KDM2B: variants seen among roughly 807,000 people sequenced by gnomAD.
KDM2B encodes lysine demethylase 2B, also known as lysine-specific demethylase 2B.
Under a neutral mutation model 150.0 loss-of-function variants are expected in KDM2B, and 26 were observed. The observed-to-expected ratio is 0.17, with a 90% confidence interval of 0.13 to 0.24. The LOEUF (loss-of-function observed/expected upper bound fraction) is 0.24. Ranked by LOEUF, KDM2B falls within the 10% of genes least tolerant of loss-of-function variation. The pLI is 1.00. For synonymous variants in KDM2B, 734 were observed against 729.5 expected, an observed-to-expected ratio of 1.01 and a Z score of -0.10; for missense variants, 1,265 against 1,816.9, an observed-to-expected ratio of 0.70 and a Z score of 5.52.
chr12:121,561,480 C>T (rs1555313822), intron 4 of KDM2B, among the ~76,000 whole-genome samples: 1 of 152,104 alleles, frequency 6.6e-6, no homozygotes, highest in Non-Finnish European at 1.5e-5. Flanking sequence ...GTGATACGCC[C>T]GCCTCAGCCT....
intron 22 of KDM2B, among the ~76,000 whole-genome samples, chr12:121,436,684 C>T (rs1874047815): frequency 6.6e-6 from 1 of 151,968 alleles, no homozygotes; most frequent in Admixed American, 6.6e-5. Flanking sequence ...AGTTTTTCTA[C>T]AAGTGAAGAA....
chr12:121,552,439 G>A (rs781809035), intron 4 of KDM2B, among the ~76,000 whole-genome samples: 9 of 152,120 alleles, frequency 5.9e-5, no homozygotes, highest in African/African-American at 9.7e-5. Context: ...TTTGGAGGCC[G>A]AGATGGGTGG....
chr12:121,562,647 TGGA>T (rs782152495), intron 4 of KDM2B, among the ~76,000 whole-genome samples: 13 of 133,456 alleles, frequency 9.7e-5, no homozygotes, highest in African/African-American at 3.5e-4. Flanking sequence ...GAAGAAAGCA[TGGA>T]GGAGGAGGAG....
intron 12 of KDM2B, among the ~76,000 whole-genome samples, chr12:121,487,793 C>CT (rs1248100789): frequency 0.032 from 4,295 of 135,738 alleles, 183 homozygotes; most frequent in African/African-American, 0.084. Context: ...GAAGCAGCTT[C>CT]TTTTTTTTTT....
chr12:121,447,000 A>G (rs1228364009), intron 13 of KDM2B, among the ~76,000 whole-genome samples: 4 of 152,346 alleles, frequency 2.6e-5, no homozygotes, highest in Admixed American at 6.5e-5. Flanking sequence ...ATGATTTTCA[A>G]TGTAACAGTG....
At chr12:121,555,731 C>T (rs1438199465) in intron 4 of KDM2B, among the ~76,000 whole-genome samples, 1 of 152,042 alleles carries the variant, frequency 6.6e-6, no homozygotes, top group Admixed American at 6.6e-5. Context: ...TTTTTCCCCC[C>T]CAAATCTCAA....
chr12:121,454,738 A>G (rs1297783067), intron 12 of KDM2B, among the ~76,000 whole-genome samples: 1 of 152,054 alleles, frequency 6.6e-6, no homozygotes, highest in Non-Finnish European at 1.5e-5. Context: ...CTAACTGAAC[A>G]CCCTTTGGTC....
rs895105695 is a variant in KDM2B, at chr12:121,522,803, G to A, written c.932-1703C>T. On this transcript the variant is annotated intron_variant, in intron 8 of 22. Transcript: ENST00000377071. ...GTGGAGGTTGCAGTGAGCCAAGATC[G>A]CACCACTGCACTCCAGCCTGGGAGA... is the stretch of plus-strand genomic sequence containing the variant. Among the ~76,000 whole-genome samples the A allele has an allele frequency of 5.3e-4, 81 of 152,192 alleles. 1 individual carries two copies. Among genetic ancestry groups the A allele is most frequent in the Non-Finnish European group, 9.6e-4 (65 of 68,010 alleles).
chr12:121,511,887 GCC>G (rs1885622223), intron 10 of KDM2B, among the ~76,000 whole-genome samples: 1 of 152,176 alleles, frequency 6.6e-6, no homozygotes, highest in Non-Finnish European at 1.5e-5. Context: ...CCCTCACGTT[GCC>G]CCTTCTCATT....
intron 12 of KDM2B, among the ~76,000 whole-genome samples, chr12:121,454,317 T>C (rs147740611): frequency 4.9e-4 from 75 of 152,328 alleles, no homozygotes; most frequent in African/African-American, 1.8e-3. Flanking sequence ...TAGTAACCTT[T>C]AGGTCCCTGA....
In KDM2B at chr12:121,430,280, T is replaced by A; in HGVS notation, c.*8A>T. The A allele has an allele frequency of 6.2e-7, 1 of 1,614,190 alleles. No individual in the cohort carries two copies. Among genetic ancestry groups the A allele is most frequent in the Non-Finnish European group, 8.5e-7 (1 of 1,180,026 alleles). On this transcript the variant is annotated 3_prime_UTR_variant, in exon 23 of 23. Coordinates refer to ENST00000377071, the MANE Select transcript of KDM2B (RefSeq NM_032590.5). The surrounding 1 kb of genome is among the most constrained non-coding windows in gnomAD (Gnocchi z 4.4). ...AGCCCGCCCCGTATTTACATACTTA[T>A]CCTTGGACTAACTCAGTTTTTGCAG...
rs1880412095 is a variant in KDM2B at position 121,468,841 on chromosome 12, T to C, written c.1735-15497A>G. 2 of 152,198 alleles carry C rather than the reference T, an allele frequency of 1.3e-5. No homozygotes were observed. Among genetic ancestry groups the C allele is most frequent in the East Asian group, 1.9e-4 (1 of 5,194 alleles). 9.4% of individuals were successfully genotyped at this position (152,198 alleles called of 1,614,324 possible). A position where few individuals can be genotyped will look rare whatever the true frequency, so the allele number is the denominator to read the frequency against. On this transcript the variant is annotated intron_variant, in intron 12 of 22. Coordinates refer to ENST00000377071, the MANE Select transcript of KDM2B (RefSeq NM_032590.5). This position sits in a 1 kb window ranked among gnomAD's most constrained non-coding sequence, Gnocchi z 4.0. Reference sequence around the variant, plus strand: ...AAGTCTGAAATTTACACACCCACTATAGAAAAAATCCCAGTCGACTTGCTC... The same window carrying C: ...AAGTCTGAAATTTACACACCCACTACAGAAAAAATCCCAGTCGACTTGCTC...
rs201375532 is a variant in KDM2B at position 121,495,164 on chromosome 12, AT to A, written c.1648-500del. Among the ~76,000 whole-genome samples, 1,246 of 140,518 alleles carry A rather than the reference AT, an allele frequency of 8.9e-3. 4 individuals carry two copies. The highest frequency in any genetic ancestry group is 0.019 in the Middle Eastern group (5 of 270). 92.2% of individuals were successfully genotyped at this position (140,518 alleles called of 152,430 possible). ...GGTGCATGGCACCCTCCCTGGCTAA[AT>A]TTTTTTTTTTTTTTTAGACAAAGTC... On this transcript the variant is annotated intron_variant, in intron 11 of 22. Transcript: ENST00000377071.
intron 4 of KDM2B, among the ~76,000 whole-genome samples, chr12:121,568,369 A>G (rs1890856115): frequency 6.6e-6 from 1 of 152,112 alleles, no homozygotes; most frequent in South Asian, 2.1e-4. Context: ...CTGAGGCAGG[A>G]GAAACGCTTG....
At chr12:121,441,975 G>A (rs2138059811) in intron 19 of KDM2B, among the ~76,000 whole-genome samples, 182 bp downstream of exon 19, 1 of 152,330 alleles carries the variant, frequency 6.6e-6, no homozygotes, top group East Asian at 1.9e-4. Flanking sequence ...CGGAATAAAC[G>A]GGGTCACCTC....
At position 121,563,908 on chromosome 12, in the gene KDM2B, T is replaced by A. The variant is rs868906655; in HGVS notation, c.397+10639A>T. ...TGAGACTCTGTCTCAAAAAAAAAATTAAAAAAAAAGACAAACCTAGGCAAC... is the reference window on the plus strand; with the variant it reads ...TGAGACTCTGTCTCAAAAAAAAAATAAAAAAAAAAGACAAACCTAGGCAAC... On this transcript the variant is annotated intron_variant, in intron 4 of 22. Coordinates refer to ENST00000377071, the MANE Select transcript of KDM2B (RefSeq NM_032590.5). 7.2e-3 allele frequency among the ~76,000 whole-genome samples: 1,070 copies of A among 148,796 alleles called. 6 individuals are homozygous for A. The highest frequency in any genetic ancestry group is 0.013 in the Admixed American group (197 of 14,952).
intron 22 of KDM2B, among the ~76,000 whole-genome samples, chr12:121,439,352 G>A (rs1158912237): frequency 1.3e-5 from 2 of 151,512 alleles, no homozygotes; most frequent in Admixed American, 1.3e-4. Flanking sequence ...CTATTTTGGG[G>A]TAGCAATTAC....
chr12:121,424,923 T>C (rs930602565), downstream of KDM2B, among the ~76,000 whole-genome samples: 2 of 152,138 alleles, frequency 1.3e-5, no homozygotes, highest in African/African-American at 2.4e-5. Flanking sequence ...AAGTTAGACT[T>C]GTCTAAAACC....
At chr12:121,567,965 G>A (rs572364629) in intron 4 of KDM2B, among the ~76,000 whole-genome samples, 2 of 152,060 alleles carry the variant, frequency 1.3e-5, no homozygotes, top group East Asian at 3.9e-4. Context: ...CTGACCTTAG[G>A]TGATCCGCCC....
Sources: gnomAD v4.1 joint callset for allele counts (sites outside exome capture counted in the v4.1 genomes callset) on GRCh38, gnomAD v4.1.1 for gene constraint, Gnocchi (gnomAD v3.1) non-coding constraint, MANE v1.5 for transcripts, NCBI Gene and HGNC (gene_info 2026-07-23, HGNC 2026-07-21) for gene names.